Variants in MAEA observed in about 807,000 individuals in gnomAD.
MAEA encodes the protein E3 ubiquitin-protein transferase MAEA.
MAEA carries 22 observed loss-of-function variants against 46.2 expected under a neutral mutation model. The observed-to-expected ratio is 0.48, with a 90% CI of 0.34 to 0.68. The LOEUF (loss-of-function observed/expected upper bound fraction) is 0.68, where lower values mean the gene tolerates loss of function less well. MAEA is among the 30% of genes least tolerant of loss of function. The pLI is 0.01. For missense variants in MAEA, 393 were observed against 558.1 expected, an observed-to-expected ratio of 0.70 and a Z score of 2.98; for synonymous variants, 246 against 222.6, an observed-to-expected ratio of 1.11 and a Z score of -0.94.
At position 1,292,022 on chromosome 4, in the gene MAEA, C is replaced by G. The variant is rs4974588; in HGVS notation, c.69+2040C>G. Among the ~76,000 whole-genome samples the G allele has an allele frequency of 1.6e-4, 25 of 152,174 alleles. No individual in the cohort carries two copies. The South Asian group carries it at 5.2e-3, about 32-fold the overall frequency. On this transcript the variant is annotated intron_variant, in intron 1 of 8. Transcript: ENST00000303400. ...TTTAGAAGCATTTATTGGTATAGAA[C>G]TAAACAGAACATGCTGAGCTCACAG... is the stretch of plus-strand genomic sequence containing the variant.
chr4:1,295,853 C>G (rs1230544075), intron 1 of MAEA, among the ~76,000 whole-genome samples: 1 of 116,994 alleles, frequency 8.5e-6, no homozygotes, highest in Non-Finnish European at 1.7e-5. Flanking sequence ...ATGCCGGTGC[C>G]CACCACACCT....
rs1049924477 is a variant in MAEA, at chr4:1,338,583, T to C, written c.1061T>C (p.Met354Thr). 5 of 1,612,658 alleles carry C rather than the reference T, an allele frequency of 3.1e-6. No homozygotes were observed. The highest frequency in any genetic ancestry group is 4.2e-6 in the Non-Finnish European group (5 of 1,179,840). The change falls in exon 8 of 9, where the codon ATG (methionine) becomes ACG (threonine). Residue 354 changes from methionine to threonine, a missense_variant. Physicochemically the swap from Met to Thr is moderately conservative, Grantham distance 81. Transcript: ENST00000303400. ...GDVMNENNPP[M>T]MLPNGYVYGY... ...GTGATGAACGAGAACAATCCGCCCA[T>C]GATGCTGCCCAACGGCTACGTCTAC...
At chr4:1,331,685 G>A (rs1711830473) in intron 5 of MAEA, 1 of 152,360 alleles carries the variant, frequency 6.6e-6, no homozygotes, top group Non-Finnish European at 1.5e-5. Context: ...AGAACGTGGG[G>A]TGCACAGGGG....
At chr4:1,308,852 A>G (rs1736094502) in intron 1 of MAEA, among the ~76,000 whole-genome samples, 1 of 151,916 alleles carries the variant, frequency 6.6e-6, no homozygotes, top group African/African-American at 2.4e-5. Flanking sequence ...ATTTTTTCCC[A>G]TTTTTTACTC....
intron 1 of MAEA, among the ~76,000 whole-genome samples, chr4:1,293,124 A>G (rs1213711293): frequency 6.6e-6 from 1 of 151,586 alleles, no homozygotes; most frequent in Non-Finnish European, 1.5e-5. Context: ...TGAACTCCTG[A>G]CCTCAGGAAT....
chr4:1,294,774 G>GA (rs140782463), intron 1 of MAEA, among the ~76,000 whole-genome samples: 22,073 of 144,686 alleles, frequency 0.15, 3,315 homozygotes, highest in East Asian at 0.42. Context: ...AGGTTGAGGT[G>GA]ATGTTGGACA....
Position 1,339,186 on chromosome 4 carries a change from C to G in MAEA, c.*17C>G. 1 of 1,602,756 alleles carries G rather than the reference C, an allele frequency of 6.2e-7. No individual in the cohort carries two copies. The highest frequency in any genetic ancestry group is 8.5e-7 in the Non-Finnish European group (1 of 1,169,924). ...ATCATGTAGGCCCCACGTCGTGAAG[C>G]GCACGCCTCGGGGACGGGCTGCAGT... On this transcript the variant is annotated 3_prime_UTR_variant, in exon 9 of 9. Coordinates refer to ENST00000303400, the MANE Select transcript of MAEA (RefSeq NM_001017405.3).
chr4:1,291,711 A>G (rs942023356), intron 1 of MAEA, among the ~76,000 whole-genome samples: 6 of 152,216 alleles, frequency 3.9e-5, no homozygotes, highest in Non-Finnish European at 7.3e-5. Flanking sequence ...TTCATTGTGT[A>G]TTGAAGGAAC....
chr4:1,320,770 C>T (rs540216466), intron 3 of MAEA, among the ~76,000 whole-genome samples: 15 of 151,892 alleles, frequency 9.9e-5, no homozygotes, highest in South Asian at 6.3e-4. Context: ...TGCAAGAAAA[C>T]GCTATGAAGG....
chr4:1,329,297 G>T (rs1388703612), intron 5 of MAEA: 2 of 982,740 alleles, frequency 2.0e-6, no homozygotes, highest in Non-Finnish European at 1.2e-6. Context: ...GGGTCTCTTT[G>T]CCTGTGTTCC....
intron 1 of MAEA, among the ~76,000 whole-genome samples, chr4:1,302,060 C>T (rs1383792924): frequency 6.6e-6 from 1 of 152,182 alleles, no homozygotes; most frequent in East Asian, 1.9e-4. Flanking sequence ...AACCATAGAC[C>T]ATTGTTCCAG....
At chr4:1,290,415 C>T (rs1298555638) in intron 1 of MAEA, among the ~76,000 whole-genome samples, 1 of 152,172 alleles carries the variant, frequency 6.6e-6, no homozygotes, top group South Asian at 2.1e-4. Flanking sequence ...TAGTTAGGAA[C>T]TGTAGGGAGA....
intron 5 of MAEA, chr4:1,329,805 A>T: frequency 2.0e-6 from 2 of 985,470 alleles, no homozygotes; most frequent in Non-Finnish European, 2.4e-6. Context: ...AGGCTGGACA[A>T]GAGGGAAGGC....
chr4:1,327,521 A>G (rs941282032), intron 4 of MAEA, 106 bp from the exon 5 acceptor site: 5 of 803,238 alleles, frequency 6.2e-6, no homozygotes, highest in Admixed American at 3.5e-5. Context: ...AGAGGGGTTC[A>G]GAGCTTTGGT....
rs762818932 is a variant in MAEA at position 1,338,623 on chromosome 4, G to A, written c.1095+6G>A. On this transcript the variant is annotated splice_donor_region_variant and intron_variant, in intron 8 of 8. Transcript: ENST00000303400. Reference sequence around the variant, plus strand: ...GCTACGTCTACGGCTACAATGTGAGGGGGGCAGGGCAGGGGGGCCAGGCTG... The same window carrying A: ...GCTACGTCTACGGCTACAATGTGAGAGGGGCAGGGCAGGGGGGCCAGGCTG... 1.9e-6 allele frequency: 3 copies of A among 1,598,078 alleles called. No homozygotes were observed. Among genetic ancestry groups the A allele is most frequent in the South Asian group, 2.2e-5 (2 of 89,286 alleles).
chr4:1,307,431 C>G (rs76030159), intron 1 of MAEA, among the ~76,000 whole-genome samples: 1 of 152,206 alleles, frequency 6.6e-6, no homozygotes, highest in Non-Finnish European at 1.5e-5. Context: ...TCATGGTTGA[C>G]TTATTTCACT....
intron 7 of MAEA, chr4:1,337,253 T>C: frequency 2.0e-6 from 1 of 509,428 alleles, no homozygotes; most frequent in Non-Finnish European, 3.5e-6. Flanking sequence ...TGGGCATTGA[T>C]CTAAAAGCCC....
intron 1 of MAEA, among the ~76,000 whole-genome samples, chr4:1,304,656 G>A (rs2108884705): frequency 6.6e-6 from 1 of 152,074 alleles, no homozygotes; most frequent in South Asian, 2.1e-4. Context: ...GGCCAGGATG[G>A]TCTCCATCTC....
intron 5 of MAEA, chr4:1,330,181 C>T: frequency 2.0e-6 from 2 of 979,778 alleles, no homozygotes; most frequent in Non-Finnish European, 2.4e-6. Flanking sequence ...GTAAGTGAAT[C>T]CCTGACCCCA....
Sources: allele counts gnomAD v4.1 joint callset (sites outside exome capture counted in the v4.1 genomes callset), GRCh38; gene constraint gnomAD v4.1.1; transcripts MANE v1.5; gene names NCBI Gene and HGNC (gene_info 2026-07-23, HGNC 2026-07-21).